GNA12: variants seen among roughly 807,000 people sequenced by gnomAD.
GNA12 encodes G protein subunit alpha 12.
In GNA12, 9 loss-of-function variants were observed where a neutral mutation model predicts 26.0. The ratio of observed to expected loss-of-function variants is 0.35; its 90% confidence interval spans 0.21 to 0.60. GNA12 has a LOEUF of 0.60. Among genes scored for constraint, GNA12 ranks in the 20% least tolerant of loss-of-function variants. The probability of loss-of-function intolerance (pLI) is 0.78; values close to 1 mark genes in which losing one functional copy is unlikely to be tolerated. For missense variants in GNA12, 405 were observed against 525.8 expected, an observed-to-expected ratio of 0.77 and a Z score of 2.25; for synonymous variants, 264 against 219.6, an observed-to-expected ratio of 1.20 and a Z score of -1.79.
intron 2 of GNA12, chr7:2,762,631 C>T (rs1291112502): frequency 6.3e-7 from 1 of 1,578,224 alleles, no homozygotes; most frequent in African/African-American, 1.4e-5. Flanking sequence ...GACCCCAATG[C>T]CATGAAGCAC....
At chr7:2,740,999 C>A (rs182306619) in intron 2 of GNA12, among the ~76,000 whole-genome samples, 1 of 152,150 alleles carries the variant, frequency 6.6e-6, no homozygotes, top group Non-Finnish European at 1.5e-5. Flanking sequence ...GAGCTGAGAT[C>A]GGGCCACTGC....
intron 1 of GNA12, among the ~76,000 whole-genome samples, chr7:2,820,668 GCTC>G (rs1482702387): frequency 5.3e-5 from 8 of 152,218 alleles, no homozygotes; most frequent in Admixed American, 1.3e-4. Context: ...CCAGTCACCA[GCTC>G]CTGACTCACT....
chr7:2,739,127 A>C (rs969850515), intron 2 of GNA12, among the ~76,000 whole-genome samples: 2 of 152,208 alleles, frequency 1.3e-5, no homozygotes, highest in African/African-American at 4.8e-5. Context: ...CGGGCCCCTA[A>C]AGCACCAGCC....
At chr7:2,770,602 C>T (rs911021049) in intron 2 of GNA12, among the ~76,000 whole-genome samples, 1 of 152,070 alleles carries the variant, frequency 6.6e-6, no homozygotes. Context: ...AGCCACTGAG[C>T]TCCAGCCTGG....
rs35992308 is a variant in GNA12, at chr7:2,764,244, C to CT, written c.525+30683dup. ...CGTGCCACCTATCCCCAGCTAATTT[C>CT]TTTTTTTTTTTTTTTTTTAATAAAG... On this transcript the variant is annotated intron_variant, in intron 2 of 3. Transcript: ENST00000275364. Among the ~76,000 whole-genome samples, 1,223 of 139,336 alleles carry CT rather than the reference C, an allele frequency of 8.8e-3. 19 individuals are homozygous for CT. The highest frequency in any genetic ancestry group is 0.049 in the East Asian group (229 of 4,706). The allele number at this position is 139,336 out of a possible 152,430, so 91.4% of individuals were successfully genotyped here.
intron 1 of GNA12, among the ~76,000 whole-genome samples, chr7:2,824,813 G>A (rs932308312): frequency 1.2e-4 from 18 of 152,186 alleles, no homozygotes; most frequent in Non-Finnish European, 2.6e-4. Context: ...AAGCGTAGCT[G>A]AGGGCCGGTG....
chr7:2,778,790 T>C (rs1179136246), intron 2 of GNA12, among the ~76,000 whole-genome samples: 2 of 152,176 alleles, frequency 1.3e-5, no homozygotes, highest in Non-Finnish European at 2.9e-5. Flanking sequence ...TTCAATAATA[T>C]GTAGCGAAAA....
rs78317985 is a variant in GNA12, at chr7:2,820,185, C to T, written c.309+23668G>A. Reference sequence around the variant, plus strand: ...GCAAATCAACAGCGTCGAGAGAAATCCACGGTGTCGAAAGTGGGCTGGTGG... The same window carrying T: ...GCAAATCAACAGCGTCGAGAGAAATTCACGGTGTCGAAAGTGGGCTGGTGG... On this transcript the variant is annotated intron_variant, in intron 1 of 3. Transcript: ENST00000275364. Among the ~76,000 whole-genome samples, 1,397 of 152,228 alleles carry T rather than the reference C, an allele frequency of 9.2e-3. 16 individuals carry two copies. Among genetic ancestry groups the T allele is most frequent in the African/African-American group, 0.032 (1,319 of 41,512 alleles).
rs1424918885 is a variant in GNA12, at chr7:2,731,414, C to T, written c.913G>A (p.Val305Met). The T allele has an allele frequency of 3.7e-6, 6 of 1,613,112 alleles. No individual in the cohort carries two copies. Among genetic ancestry groups the T allele is most frequent in the East Asian group, 2.2e-5 (1 of 44,856 alleles). ...TGCTTCTTGATGCTCACGGTCTTCA[C>T]CTTCTCCACCAGGAGGTCCATCTTG... ...LNKMDLLVEK[V>M]KTVSIKKHFP... The change falls in exon 4 of 4, where the codon GTG becomes ATG. Residue 305 changes from valine (V) to methionine (M), a missense_variant. Coordinates refer to ENST00000275364, the MANE Select transcript of GNA12 (RefSeq NM_007353.3). This position sits in a 1 kb window ranked among gnomAD's most constrained non-coding sequence, Gnocchi z 6.0.
Position 2,814,793 on chromosome 7 carries a change from C to T in GNA12, c.310-19650G>A, listed in dbSNP as rs1793175930. 4.6e-6 allele frequency: 6 copies of T among 1,309,180 alleles called. No individual in the cohort carries two copies. The South Asian group carries it at 6.4e-5, about 14-fold the overall frequency. 81.1% of individuals were successfully genotyped at this position (1,309,180 alleles called of 1,614,324 possible). The stretch of plus-strand genomic sequence containing the variant: ...CACATCCTAGAAAGGGTTCCCTGAC[C>T]TGCCCCGCACTGCTCCCAAGCACCC... On this transcript the variant is annotated intron_variant, in intron 1 of 3. Transcript: ENST00000275364.
chr7:2,730,461 T>C lies in GNA12; in HGVS notation c.*720A>G, dbSNP rs1421836037. 1 of 152,442 alleles carries C rather than the reference T, an allele frequency of 6.6e-6. No homozygotes were observed. Among genetic ancestry groups the C allele is most frequent in the Non-Finnish European group, 1.5e-5 (1 of 68,146 alleles). The allele number at this position is 152,442 out of a possible 1,614,324, so 9.4% of individuals were successfully genotyped here. A position where few individuals can be genotyped will look rare whatever the true frequency, so the allele number is the denominator to read the frequency against. On this transcript the variant is annotated 3_prime_UTR_variant, in exon 4 of 4. Transcript: ENST00000275364. ...GCAGGGTGGGAAGGGCTGAGCCTGC[T>C]GTAGGGGCGTAAGGTGAATCCACAC...
intron 2 of GNA12, among the ~76,000 whole-genome samples, chr7:2,783,649 C>CATTCATTTATTT (rs1554259966): frequency 3.6e-5 from 5 of 138,630 alleles, no homozygotes; most frequent in African/African-American, 8.2e-5. Context: ...GGCTGTAACA[C>CATTCATTTATTT]ATTTATTTAT....
At chr7:2,782,263 A>G (rs757228252) in intron 2 of GNA12, among the ~76,000 whole-genome samples, 1 of 152,244 alleles carries the variant, frequency 6.6e-6, no homozygotes, top group Admixed American at 6.5e-5. Context: ...TTTGACACCA[A>G]AAGTGAAAAC....
chr7:2,748,837 A>G (rs550953394), intron 2 of GNA12, among the ~76,000 whole-genome samples: 33 of 152,332 alleles, frequency 2.2e-4, no homozygotes, highest in Middle Eastern at 3.4e-3. Flanking sequence ...AACCCCATCA[A>G]AAAGTGGGCA....
chr7:2,814,917 A>G (rs1659117949), intron 1 of GNA12: 3 of 1,596,896 alleles, frequency 1.9e-6, no homozygotes, highest in African/African-American at 1.3e-5. Context: ...CCTGGGAAAC[A>G]TTCTCCGTTT....
chr7:2,780,013 C>T (rs1444407586), intron 2 of GNA12, among the ~76,000 whole-genome samples: 3 of 141,180 alleles, frequency 2.1e-5, no homozygotes, highest in African/African-American at 8.0e-5. Context: ...AGTGGATGTA[C>T]TTACACCACG....
intron 1 of GNA12, chr7:2,814,898 T>C (rs1189529013): frequency 1.2e-6 from 2 of 1,602,248 alleles, no homozygotes; most frequent in African/African-American, 2.7e-5. Flanking sequence ...GCATCCTTGC[T>C]AGGCACGGCC....
intron 2 of GNA12, among the ~76,000 whole-genome samples, chr7:2,787,031 C>A (rs995107908): frequency 3.9e-5 from 6 of 152,196 alleles, no homozygotes; most frequent in Non-Finnish European, 7.3e-5. Context: ...TCCAAACACA[C>A]AGAGGCAGCC....
chr7:2,734,825 G>A (rs1298975373), intron 2 of GNA12, among the ~76,000 whole-genome samples: 1 of 152,116 alleles, frequency 6.6e-6, no homozygotes, highest in Non-Finnish European at 1.5e-5. Flanking sequence ...GCGAGCACGT[G>A]CACCTCGTGA....
Sources: allele counts gnomAD v4.1 joint callset (sites outside exome capture counted in the v4.1 genomes callset), GRCh38; gene constraint gnomAD v4.1.1; non-coding constraint Gnocchi (gnomAD v3.1); transcripts MANE v1.5; gene names NCBI Gene and HGNC (gene_info 2026-07-23, HGNC 2026-07-21).